MAF: variants seen among roughly 807,000 people sequenced by gnomAD.
MAF encodes the protein MAF bZIP transcription factor, also known as transcription factor Maf.
Under a neutral mutation model 22.0 loss-of-function variants are expected in MAF, and 10 were observed. That is an observed-to-expected ratio of 0.45 (90% CI 0.28 to 0.77). MAF has a LOEUF of 0.77. Among genes scored for constraint, MAF ranks in the 30% least tolerant of loss-of-function variants. The pLI is 0.12. For missense variants in MAF, 544 were observed against 548.4 expected (o/e 0.99, Z 0.08); for synonymous variants, 337 against 255.8 (o/e 1.32, Z -3.03).
At chr16:79,211,080 T>C in the MAF span, among the ~76,000 whole-genome samples, 1 of 143,588 alleles carries the variant, frequency 7.0e-6, no homozygotes, top group South Asian at 2.2e-4. Context: ...TAACACAACA[T>C]TGCCAACCCT....
the MAF span, among the ~76,000 whole-genome samples, chr16:79,482,579 C>G: frequency 6.6e-6 from 1 of 152,138 alleles, no homozygotes; most frequent in Non-Finnish European, 1.5e-5. Flanking sequence ...TCACCAACTT[C>G]ATCACCACCT....
At chr16:79,377,986 G>A in the MAF span, among the ~76,000 whole-genome samples, 1 of 152,044 alleles carries the variant, frequency 6.6e-6, no homozygotes, top group Non-Finnish European at 1.5e-5. Context: ...TGTTCTTTTG[G>A]CTTAGGATTG....
At chr16:79,554,906 T>C in the MAF span, among the ~76,000 whole-genome samples, 14 of 152,186 alleles carry the variant, frequency 9.2e-5, no homozygotes, top group African/African-American at 3.4e-4. Flanking sequence ...CTCACTACTT[T>C]CTGATACACA....
chr16:79,255,228 C>G, the MAF span, among the ~76,000 whole-genome samples: 1 of 152,246 alleles, frequency 6.6e-6, no homozygotes, highest in African/African-American at 2.4e-5. Context: ...TGGTTAACTT[C>G]AGTCCAGGAA....
chr16:79,282,159 A>G, the MAF span, among the ~76,000 whole-genome samples: 2 of 152,088 alleles, frequency 1.3e-5, no homozygotes, highest in African/African-American at 4.8e-5. Flanking sequence ...AAATTAGCCT[A>G]GTGCCATGAG....
chr16:79,296,703 G>T, the MAF span, among the ~76,000 whole-genome samples: 48 of 151,950 alleles, frequency 3.2e-4, no homozygotes, highest in African/African-American at 1.2e-3. Context: ...ACCTGCCCCA[G>T]GGTTAAGGGA....
At chr16:79,582,648 G>A (rs1163873593), downstream of MAF, among the ~76,000 whole-genome samples, 1 of 152,112 alleles carries the variant, frequency 6.6e-6, no homozygotes, top group Non-Finnish European at 1.5e-5. Context: ...ATCCAAATAA[G>A]CAACAATAAC....
the MAF span, among the ~76,000 whole-genome samples, chr16:79,277,286 C>G: frequency 4.6e-5 from 7 of 152,120 alleles, no homozygotes; most frequent in Non-Finnish European, 8.8e-5. Context: ...TACAGGGGTA[C>G]CAGGAGCTAG....
At position 79,594,498 on chromosome 16, in the gene MAF, G is replaced by C. The variant is rs1190224107; in HGVS notation, c.1174C>G (p.Pro392Ala). 6.4e-7 allele frequency: 1 copy of C among 1,567,244 alleles called. No individual in the cohort carries two copies. Among genetic ancestry groups the C allele is most frequent in the Non-Finnish European group, 8.7e-7 (1 of 1,153,274 alleles). Residue 392 changes from proline (P) to alanine (A), a missense_variant, in exon 2 of 2, where the codon CCC (proline) becomes GCC (alanine). Physicochemically the swap from Pro to Ala is conservative, Grantham distance 27. Coordinates refer to ENST00000326043, the MANE Select transcript of MAF (RefSeq NM_005360.5). ...ACACTGGTAAGTACACGATGCTGGG[G>C]CTTCCAAAATGTGGCGTATCCCACT... ...PSVGYATFWK[P>A]QHRVLTSVFT... is the part of the protein sequence containing the mutation.
chr16:79,306,814 T>C, the MAF span, among the ~76,000 whole-genome samples: 1 of 152,222 alleles, frequency 6.6e-6, no homozygotes, highest in African/African-American at 2.4e-5. Flanking sequence ...CTGTGTGACC[T>C]TGGACAAGCT....
At chr16:79,550,079 G>A in the MAF span, among the ~76,000 whole-genome samples, 1 of 152,028 alleles carries the variant, frequency 6.6e-6, no homozygotes, top group African/African-American at 2.4e-5. Context: ...TTTTCCTCAA[G>A]CTCATACTGC....
chr16:79,489,751 G>T, the MAF span, among the ~76,000 whole-genome samples: 18 of 152,206 alleles, frequency 1.2e-4, no homozygotes, highest in African/African-American at 3.4e-4. Flanking sequence ...TACGGAAAGT[G>T]TTCTGCTCTG....
At chr16:79,393,668 G>A in the MAF span, among the ~76,000 whole-genome samples, 1 of 152,122 alleles carries the variant, frequency 6.6e-6, no homozygotes, top group Non-Finnish European at 1.5e-5. Flanking sequence ...CAGAAAGGTG[G>A]TCCATGCAGA....
At chr16:79,393,737 C>A in the MAF span, among the ~76,000 whole-genome samples, 1 of 152,082 alleles carries the variant, frequency 6.6e-6, no homozygotes, top group African/African-American at 2.4e-5. Flanking sequence ...CTTTTCTGGG[C>A]CTCTGAACTT....
At chr16:79,504,103 A>G in the MAF span, among the ~76,000 whole-genome samples, 1 of 152,204 alleles carries the variant, frequency 6.6e-6, no homozygotes, top group African/African-American at 2.4e-5. Flanking sequence ...GTTATCTAAA[A>G]TTAAATATTC....
At chr16:79,541,820 T>G in the MAF span, among the ~76,000 whole-genome samples, 1 of 151,980 alleles carries the variant, frequency 6.6e-6, no homozygotes, top group Non-Finnish European at 1.5e-5. Flanking sequence ...CACGCCCAGC[T>G]AATTTTTGTA....
At chr16:79,319,338 T>C in the MAF span, among the ~76,000 whole-genome samples, 3 of 152,356 alleles carry the variant, frequency 2.0e-5, no homozygotes, top group Non-Finnish European at 2.9e-5. Context: ...CTCTTTCTAA[T>C]TGAAGTAAAC....
At chr16:79,286,286 A>C in the MAF span, among the ~76,000 whole-genome samples, 2 of 152,348 alleles carry the variant, frequency 1.3e-5, no homozygotes, top group South Asian at 2.1e-4. Flanking sequence ...TTTGGTTTGG[A>C]AAATGAGGTG....
the MAF span, among the ~76,000 whole-genome samples, chr16:79,354,634 G>T: frequency 1.3e-5 from 2 of 152,168 alleles, no homozygotes; most frequent in African/African-American, 2.4e-5. Context: ...GGGACAAAAG[G>T]GATTGGTACT....
Sources: allele counts gnomAD v4.1 joint callset (sites outside exome capture counted in the v4.1 genomes callset), GRCh38; gene constraint gnomAD v4.1.1; transcripts MANE v1.5; gene names NCBI Gene and HGNC (gene_info 2026-07-23, HGNC 2026-07-21).